BRWD1: variants seen among roughly 807,000 people sequenced by gnomAD.
BRWD1 encodes bromodomain and WD repeat-containing protein 1.
Under a neutral mutation model 251.2 loss-of-function variants are expected in BRWD1, and 82 were observed. That is an observed-to-expected ratio of 0.33 (90% confidence interval 0.27 to 0.39). The LOEUF is 0.39. BRWD1 is among the 10% of genes least tolerant of loss of function. The pLI is 1.00. For missense variants in BRWD1, 2,233 were observed against 2,711.6 expected (o/e 0.82, Z 3.92); for synonymous variants, 918 against 902.8 (o/e 1.02, Z -0.30).
chr21:39,202,820 C>A (rs2032178914), intron 37 of BRWD1, among the ~76,000 whole-genome samples: 1 of 152,136 alleles, frequency 6.6e-6, no homozygotes, highest in Non-Finnish European at 1.5e-5. Flanking sequence ...ACCTTACATT[C>A]TTTGGATTAA....
rs1299873261 is a variant in BRWD1 at position 39,191,986 on chromosome 21, T to C, written c.*4273A>G. On this transcript the variant is annotated 3_prime_UTR_variant, in exon 41 of 41. Coordinates refer to ENST00000342449, the MANE Select transcript of BRWD1 (RefSeq NM_033656.4). ...CTAATTATTTACATGTTGCCAAAGA[T>C]AGAGCCTGCAGATTGGTAGAATCCA... The C allele has an allele frequency of 6.0e-5, 59 of 985,180 alleles. No individual in the cohort carries two copies. Among genetic ancestry groups the C allele is most frequent in the Non-Finnish European group, 7.0e-5 (58 of 829,838 alleles). The allele number at this position is 985,180 out of a possible 1,614,324, so 61.0% of individuals were successfully genotyped here.
Position 39,312,880 on chromosome 21 carries a change from G to A in BRWD1, c.159C>T (p.Asp53=), listed in dbSNP as rs138436182. ...TCCTGTTGTGCTCGTTGCCCTCCCAGTCCAATCTCTTCGGCAACAACTGGA... is the reference window on the plus strand; with the variant it reads ...TCCTGTTGTGCTCGTTGCCCTCCCAATCCAATCTCTTCGGCAACAACTGGA... ...EQYQLLPKRL[D]WEGNEHNRSY... Residue 53 remains aspartate, a synonymous_variant, in exon 4 of 41, where the codon GAC becomes GAT. Transcript: ENST00000342449. 271 of 1,542,778 alleles carry A rather than the reference G, an allele frequency of 1.8e-4. No individual in the cohort carries two copies. Among genetic ancestry groups the A allele is most frequent in the Middle Eastern group, 4.8e-4 (2 of 4,146 alleles).
chr21:39,189,001 G>C lies in BRWD1; in HGVS notation c.*7258C>G, dbSNP rs1054186351. ...GAAGAGAAGTGGCTTAAAGTGCACTGTGTTTACCACTTCAAAGACACTTCT... is the reference window on the plus strand; with the variant it reads ...GAAGAGAAGTGGCTTAAAGTGCACTCTGTTTACCACTTCAAAGACACTTCT... On this transcript the variant is annotated 3_prime_UTR_variant, in exon 41 of 41. Coordinates refer to ENST00000342449, the MANE Select transcript of BRWD1 (RefSeq NM_033656.4). 1 of 985,212 alleles carries C rather than the reference G, an allele frequency of 1.0e-6. No individual in the cohort carries two copies. The highest frequency in any genetic ancestry group is 1.2e-6 in the Non-Finnish European group (1 of 829,916). 61.0% of individuals were successfully genotyped at this position (985,212 alleles called of 1,614,324 possible). A position where few individuals can be genotyped will look rare whatever the true frequency, so the allele number is the denominator to read the frequency against.
Position 39,313,204 on chromosome 21 carries a change from A to T in BRWD1, c.108+37T>A, listed in dbSNP as rs770935429. The T allele has an allele frequency of 3.7e-5, 56 of 1,519,162 alleles. No homozygotes were observed. The Admixed American group carries it at 5.7e-4, about 15-fold the overall frequency. 94.1% of individuals were successfully genotyped at this position (1,519,162 alleles called of 1,614,324 possible). A position where few individuals can be genotyped will look rare whatever the true frequency, so the allele number is the denominator to read the frequency against. Reference sequence around the variant, plus strand: ...ACCCCCGGCGGCGGGGACACTGGGGACGCCAAGTCCGCAGCCGCCCGCGGG... The same window carrying T: ...ACCCCCGGCGGCGGGGACACTGGGGTCGCCAAGTCCGCAGCCGCCCGCGGG... On this transcript the variant is annotated intron_variant, in intron 2 of 40. Coordinates refer to ENST00000342449, the MANE Select transcript of BRWD1 (RefSeq NM_033656.4).
intron 31 of BRWD1, 113 bp from the exon 32 acceptor site, chr21:39,215,475 C>T: frequency 1.1e-6 from 1 of 918,794 alleles, no homozygotes; most frequent in Non-Finnish European, 1.6e-6. Context: ...ACCATAAGTG[C>T]AAAGTTATAA....
chr21:39,316,110 G>C (rs2036695860), upstream of BRWD1, among the ~76,000 whole-genome samples: 2 of 152,184 alleles, frequency 1.3e-5, no homozygotes, highest in South Asian at 4.1e-4. Flanking sequence ...TCTATTTTAG[G>C]ATGGATTTGA....
chr21:39,233,520 G>C (rs1010567251), intron 23 of BRWD1, among the ~76,000 whole-genome samples: 1 of 152,054 alleles, frequency 6.6e-6, no homozygotes, highest in Non-Finnish European at 1.5e-5. Context: ...AATGAAAATG[G>C]TAAACGTAGC....
At chr21:39,301,873 T>G (rs995167323) in intron 4 of BRWD1, among the ~76,000 whole-genome samples, 16 of 131,762 alleles carry the variant, frequency 1.2e-4, no homozygotes, top group Non-Finnish European at 2.5e-4. Context: ...CATAAGGCAG[T>G]AGAACATCTT....
chr21:39,319,035 G>A (rs1009941965), intron 1 of BRWD1, among the ~76,000 whole-genome samples: 17 of 152,272 alleles, frequency 1.1e-4, no homozygotes, highest in African/African-American at 3.6e-4. Context: ...GATTACAGGC[G>A]TGAGCCACCA....
chr21:39,269,362 C>T (rs1448451223), intron 15 of BRWD1, among the ~76,000 whole-genome samples: 2 of 150,624 alleles, frequency 1.3e-5, no homozygotes, highest in African/African-American at 2.4e-5. Context: ...AAGAGAGTGT[C>T]TCACTACATT....
rs1181617679 is a variant in BRWD1, at chr21:39,313,597, GC to G, written c.-107del. On this transcript the variant is annotated 5_prime_UTR_variant, in exon 1 of 41. An upstream open reading frame in the 5' UTR loses its in-frame stop. Coordinates refer to ENST00000342449, the MANE Select transcript of BRWD1 (RefSeq NM_033656.4). ...CCCCTCTTCTCAGGCGCGCGCCGCC[GC>G]CGCCGCCGCCGCCGCCATACCGTGC... 9 of 838,156 alleles carry G rather than the reference GC, an allele frequency of 1.1e-5. No individual in the cohort carries two copies. The African/African-American group carries it at 1.6e-4, about 15-fold the overall frequency. 51.9% of individuals were successfully genotyped at this position (838,156 alleles called of 1,614,324 possible).
chr21:39,263,904 C>G (rs2034835551), intron 17 of BRWD1, among the ~76,000 whole-genome samples: 1 of 152,158 alleles, frequency 6.6e-6, no homozygotes, highest in Non-Finnish European at 1.5e-5. Flanking sequence ...AAGACTAGAA[C>G]ATCATTTATG....
intron 8 of BRWD1, among the ~76,000 whole-genome samples, chr21:39,282,013 C>A (rs537471277): frequency 6.6e-6 from 1 of 151,260 alleles, no homozygotes; most frequent in Non-Finnish European, 1.5e-5. Flanking sequence ...CATATGTCAA[C>A]ATATACGTCT....
At chr21:39,206,983 C>T (rs2032422459) in intron 36 of BRWD1, among the ~76,000 whole-genome samples, 1 of 152,186 alleles carries the variant, frequency 6.6e-6, no homozygotes, top group African/African-American at 2.4e-5. Context: ...ATGGCGAAGA[C>T]ACTCCAATAC....
chr21:39,296,397 T>G, intron 5 of BRWD1, 34 bp from the exon 6 acceptor site: 1 of 1,519,452 alleles, frequency 6.6e-7, no homozygotes, highest in Non-Finnish European at 8.8e-7. Flanking sequence ...CATAAAATCT[T>G]GAAAGTTAAC....
At chr21:39,225,979 T>A (rs1009365652) in intron 27 of BRWD1, among the ~76,000 whole-genome samples, 1 of 152,118 alleles carries the variant, frequency 6.6e-6, no homozygotes, top group Non-Finnish European at 1.5e-5. Flanking sequence ...GTAATAATAA[T>A]AAATTATTGT....
chr21:39,294,986 C>T (rs951991601), intron 7 of BRWD1, among the ~76,000 whole-genome samples: 3 of 152,036 alleles, frequency 2.0e-5, no homozygotes, highest in African/African-American at 7.3e-5. Flanking sequence ...CTTACTTGAA[C>T]ACTAATGGGT....
chr21:39,190,423 A>G lies in BRWD1; in HGVS notation c.*5836T>C, dbSNP rs1467890057. ...AGAAAAGAATGTCTGACTCAAAATG[A>G]AAACATACTAGCCTCTTTCATAAAC... On this transcript the variant is annotated 3_prime_UTR_variant, in exon 41 of 41. Transcript: ENST00000342449. 1 of 985,300 alleles carries G rather than the reference A, an allele frequency of 1.0e-6. No homozygotes were observed. The highest frequency in any genetic ancestry group is 1.2e-6 in the Non-Finnish European group (1 of 829,920). 61.0% of individuals were successfully genotyped at this position (985,300 alleles called of 1,614,324 possible).
chr21:39,226,571 T>C (rs1163771519), intron 27 of BRWD1, among the ~76,000 whole-genome samples: 2 of 152,208 alleles, frequency 1.3e-5, no homozygotes, highest in East Asian at 3.8e-4. Context: ...AAAATCATAA[T>C]AGCTGGGAAG....
Sources: gnomAD v4.1 joint callset for allele counts (sites outside exome capture counted in the v4.1 genomes callset) on GRCh38, gnomAD v4.1.1 for gene constraint, MANE v1.5 for transcripts, NCBI Gene and HGNC (gene_info 2026-07-23, HGNC 2026-07-21) for gene names.